HELQ: variants seen among roughly 807,000 people sequenced by gnomAD.
HELQ encodes helicase, POLQ like.
Under a neutral mutation model 111.6 loss-of-function variants are expected in HELQ, and 77 were observed. The observed-to-expected ratio is 0.69, with a 90% CI of 0.57 to 0.83. The LOEUF is 0.83. Among genes scored for constraint, HELQ ranks in the 40% least tolerant of loss-of-function variants. HELQ has a pLI of 0.00. For missense variants in HELQ, 1,200 were observed against 1,288.5 expected (o/e 0.93, Z 1.05); for synonymous variants, 438 against 454.7 (o/e 0.96, Z 0.47).
In HELQ at chr4:83,447,030, T is replaced by C; in HGVS notation, c.1197A>G (p.Ser399=). ...PYVAIVQEKI[S]GLSSFGIELG... is the part of the protein sequence containing the mutation. ...GTTCTATACCAAAACTTGACAAACC[T>C]GAAATCTAGAATATTAGTTAAAATA... The change falls in exon 4 of 18, where the codon TCA becomes TCG. Residue 399 remains serine (S), a synonymous_variant. Coordinates refer to ENST00000295488, the MANE Select transcript of HELQ (RefSeq NM_133636.5). 4 of 1,607,188 alleles carry C rather than the reference T, an allele frequency of 2.5e-6. No homozygotes were observed. The highest frequency in any genetic ancestry group is 3.3e-4 in the Middle Eastern group (2 of 6,042).
At chr4:83,441,770 CTTTTTTTTTT>C (rs34655032) in intron 6 of HELQ, among the ~76,000 whole-genome samples, 1 of 123,872 alleles carries the variant, frequency 8.1e-6, no homozygotes, top group Non-Finnish European at 1.7e-5. Flanking sequence ...AAAACTTTGT[CTTTTTTTTTT>C]TTTTTTTTTT....
At chr4:83,423,245 C>T (rs969786328) in intron 14 of HELQ, among the ~76,000 whole-genome samples, 59 of 151,868 alleles carry the variant, frequency 3.9e-4, no homozygotes, top group African/African-American at 1.2e-3. Context: ...CCAGCTTGGG[C>T]AACATGGTGA....
chr4:83,409,655 C>T (rs1372210259), intron 17 of HELQ, among the ~76,000 whole-genome samples: 1 of 151,494 alleles, frequency 6.6e-6, no homozygotes, highest in East Asian at 1.9e-4. Flanking sequence ...AACTGTAACA[C>T]AACACTCCAA....
chr4:83,427,640 G>A lies in HELQ; in HGVS notation c.2599C>T (p.Leu867Phe). 1 of 1,607,758 alleles carries A rather than the reference G, an allele frequency of 6.2e-7. No individual in the cohort carries two copies. The highest frequency in any genetic ancestry group is 8.5e-7 in the Non-Finnish European group (1 of 1,177,192). Residue 867 changes from leucine to phenylalanine, a missense_variant, in exon 13 of 18, where the codon CTT becomes TTT. Coordinates refer to ENST00000295488, the MANE Select transcript of HELQ (RefSeq NM_133636.5). Reference protein sequence around the residue: ...GLEGLVLESLLHLIYLTTPYD... With the variant: ...GLEGLVLESLFHLIYLTTPYD... ...GGGGTTGTTAGGTAGATTAGATGAA[G>A]AAGGCTTTCAAGCACAAGTCCTTCA...
chr4:83,437,654 C>T lies in HELQ; in HGVS notation c.1809-557G>A, dbSNP rs1720536206. ...AATATAACTATTTACATAAATACAACACTTTACATATAATTTCAGAGGGTT... is the reference window on the plus strand; with the variant it reads ...AATATAACTATTTACATAAATACAATACTTTACATATAATTTCAGAGGGTT... On this transcript the variant is annotated intron_variant, in intron 8 of 17. Coordinates refer to ENST00000295488, the MANE Select transcript of HELQ (RefSeq NM_133636.5). Among the ~76,000 whole-genome samples the T allele has an allele frequency of 1.4e-5, 2 of 143,222 alleles. 1 individual carries two copies. Among genetic ancestry groups the T allele is most frequent in the Non-Finnish European group, 3.1e-5 (2 of 65,008 alleles). 94.0% of individuals were successfully genotyped at this position (143,222 alleles called of 152,430 possible).
intron 6 of HELQ, among the ~76,000 whole-genome samples, chr4:83,442,133 C>T (rs1003145170): frequency 2.6e-5 from 4 of 151,710 alleles, no homozygotes; most frequent in African/African-American, 7.3e-5. Flanking sequence ...CTTTATTTGT[C>T]GACAAAAACA....
intron 17 of HELQ, among the ~76,000 whole-genome samples, chr4:83,412,832 A>G (rs897902960): frequency 2.0e-5 from 3 of 152,188 alleles, no homozygotes; most frequent in East Asian, 1.9e-4. Flanking sequence ...TCCAAAAACA[A>G]GTAAAAAGAC....
intron 9 of HELQ, 55 bp from the exon 10 acceptor site, chr4:83,432,322 T>C (rs1720197194): frequency 7.6e-7 from 1 of 1,311,048 alleles, no homozygotes; most frequent in Non-Finnish European, 1.0e-6. Context: ...ATTTAAAAAA[T>C]TCTTAATTTC....
At position 83,447,019 on chromosome 4, in the gene HELQ, C is replaced by T. The variant is rs1721082765; in HGVS notation, c.1208G>A (p.Ser403Asn). The change falls in exon 4 of 18, where the codon AGT (serine) becomes AAT (asparagine). Residue 403 changes from serine to asparagine, a missense_variant. Coordinates refer to ENST00000295488, the MANE Select transcript of HELQ (RefSeq NM_133636.5). ...AAAGAAACCGAGTTCTATACCAAAA[C>T]TTGACAAACCTGAAATCTAGAATAT... The part of the protein sequence containing the change: ...IVQEKISGLS[S>N]FGIELGFFVE... 6.2e-7 allele frequency: 1 copy of T among 1,611,196 alleles called. No individual in the cohort carries two copies. Among genetic ancestry groups the T allele is most frequent in the Non-Finnish European group, 8.5e-7 (1 of 1,177,782 alleles).
At chr4:83,454,204 A>C (rs1393213526) in intron 1 of HELQ, among the ~76,000 whole-genome samples, 1 of 152,192 alleles carries the variant, frequency 6.6e-6, no homozygotes, top group Non-Finnish European at 1.5e-5. Flanking sequence ...CTCTGTCTCA[A>C]AAAAACCAAA....
intron 2 of HELQ, among the ~76,000 whole-genome samples, chr4:83,452,253 T>TGC (rs1325680800): frequency 1.3e-5 from 2 of 152,184 alleles, no homozygotes; most frequent in African/African-American, 4.8e-5. Flanking sequence ...TTTTTTTTTT[T>TGC]GCAATTTTTT....
chr4:83,445,838 T>A (rs560288127), intron 5 of HELQ, among the ~76,000 whole-genome samples, 176 bp downstream of exon 5: 2 of 152,376 alleles, frequency 1.3e-5, no homozygotes, highest in Admixed American at 1.3e-4. Context: ...AGAGGACTTC[T>A]TCAAATACCA....
In HELQ at chr4:83,444,304, G is replaced by A. The variant is rs191323411; in HGVS notation, c.1466-690C>T. 2.0e-4 allele frequency among the ~76,000 whole-genome samples: 30 copies of A among 152,268 alleles called. 1 individual carries two copies. The highest frequency in any genetic ancestry group is 2.0e-3 in the Admixed American group (30 of 15,294). The stretch of plus-strand genomic sequence containing the variant: ...AGATGTAGAGGTAGTAGGATAGAGG[G>A]CTAAATGCGTCTCGAACTCTTGGCC... On this transcript the variant is annotated intron_variant, in intron 5 of 17. Transcript: ENST00000295488.
chr4:83,446,354 T>G (rs113850067), intron 4 of HELQ, among the ~76,000 whole-genome samples: 5,727 of 152,268 alleles, frequency 0.038, 361 homozygotes, highest in African/African-American at 0.13. Context: ...ACCCCCAGGC[T>G]GGAGTGCAAT....
At chr4:83,423,375 T>A (rs899118568) in intron 14 of HELQ, among the ~76,000 whole-genome samples, 3 of 152,182 alleles carry the variant, frequency 2.0e-5, no homozygotes, top group African/African-American at 7.2e-5. Flanking sequence ...AATTGAAGGA[T>A]GTATGAGTTA....
At chr4:83,420,366 G>A (rs1560541874) in intron 15 of HELQ, among the ~76,000 whole-genome samples, 1 of 151,762 alleles carries the variant, frequency 6.6e-6, no homozygotes, top group African/African-American at 2.4e-5. Context: ...AGGCGTGGCG[G>A]CTCATGCCTG....
chr4:83,429,275 T>C (rs1376952864), intron 12 of HELQ, among the ~76,000 whole-genome samples: 1 of 152,074 alleles, frequency 6.6e-6, no homozygotes, highest in East Asian at 1.9e-4. Flanking sequence ...GCCTCCCGAG[T>C]AGCTGGGACT....
In HELQ at chr4:83,432,180, T is replaced by C. The variant is rs745749696; in HGVS notation, c.2136A>G (p.Gly712=). Residue 712 remains glycine (G), a synonymous_variant, in exon 10 of 18, where the codon GGA becomes GGG. Coordinates refer to ENST00000295488, the MANE Select transcript of HELQ (RefSeq NM_133636.5). ...KQMIGRAGRA[G]IDTIGESILI... is the part of the protein sequence containing the mutation. ...GGATACTCTCCCCAATAGTATCTAT[T>C]CCAGCACGACCAGCTCTGCCAATCA... is the stretch of plus-strand genomic sequence containing the variant. 1.2e-6 allele frequency: 2 copies of C among 1,603,310 alleles called. No individual in the cohort carries two copies. The highest frequency in any genetic ancestry group is 2.2e-5 in the South Asian group (2 of 89,260).
intron 14 of HELQ, among the ~76,000 whole-genome samples, chr4:83,423,474 C>T (rs1399164780): frequency 6.6e-6 from 1 of 152,046 alleles, no homozygotes; most frequent in Non-Finnish European, 1.5e-5. Context: ...GAAAAGAGAG[C>T]TATTTAATTT....
Sources: allele counts gnomAD v4.1 joint callset (sites outside exome capture counted in the v4.1 genomes callset), GRCh38; gene constraint gnomAD v4.1.1; transcripts MANE v1.5; gene names NCBI Gene and HGNC (gene_info 2026-07-23, HGNC 2026-07-21).